UTRN: variants seen among roughly 807,000 people sequenced by gnomAD.
UTRN encodes the protein dystrophin-related protein 1.
UTRN carries 283 observed loss-of-function variants against 463.9 expected under a neutral mutation model. The observed-to-expected ratio is 0.61, with a 90% CI of 0.55 to 0.67. The LOEUF (loss-of-function observed/expected upper bound fraction) is 0.67. Among genes scored for constraint, UTRN ranks in the 30% least tolerant of loss-of-function variants. The probability of loss-of-function intolerance (pLI) is 0.00; values close to 1 mark genes in which losing one functional copy is unlikely to be tolerated. For synonymous variants in UTRN, 1,442 were observed against 1,431.5 expected, an observed-to-expected ratio of 1.01 and a Z score of -0.17; for missense variants, 3,922 against 4,084.3, an observed-to-expected ratio of 0.96 and a Z score of 1.08.
intron 43 of UTRN, among the ~76,000 whole-genome samples, chr6:144,535,202 T>G (rs893918117): frequency 6.6e-6 from 1 of 152,216 alleles, no homozygotes; most frequent in Non-Finnish European, 1.5e-5. Flanking sequence ...TGCCTCAGCC[T>G]CCTCAGTAGC....
chr6:144,837,804 A>G (rs907033895), intron 71 of UTRN, among the ~76,000 whole-genome samples: 4 of 152,134 alleles, frequency 2.6e-5, no homozygotes, highest in Admixed American at 6.5e-5. Flanking sequence ...ACTTTTCTCT[A>G]TGTCTCTCAG....
Position 144,324,275 on chromosome 6 carries a change from GAAGTAA to G in UTRN, c.79+32375_79+32380del, listed in dbSNP as rs374382969. 4.0e-3 allele frequency among the ~76,000 whole-genome samples: 615 copies of G among 152,230 alleles called. 2 individuals carry two copies. The highest frequency in any genetic ancestry group is 0.014 in the African/African-American group (576 of 41,554). On this transcript the variant is annotated intron_variant, in intron 2 of 74. Transcript: ENST00000367545. ...ATGCAATTTAGGATTTTTAGTACAT[GAAGTAA>G]AAGTAAGTCTGCATCGAGGTCCCCA...
At chr6:144,513,809 T>C in intron 35 of UTRN, 100 bp from the exon 36 acceptor site, 9 of 1,329,452 alleles carry the variant, frequency 6.8e-6, no homozygotes, top group Non-Finnish European at 9.1e-6. Flanking sequence ...TTTAAATTCA[T>C]GGTACAGTTT....
At chr6:144,595,474 G>A (rs1803549486) in intron 51 of UTRN, among the ~76,000 whole-genome samples, 1 of 152,180 alleles carries the variant, frequency 6.6e-6, no homozygotes, top group African/African-American at 2.4e-5. Context: ...CTGCAATGCA[G>A]GGTCAGTTCA....
chr6:144,634,617 C>T (rs965307407), intron 51 of UTRN, among the ~76,000 whole-genome samples: 42 of 152,156 alleles, frequency 2.8e-4, no homozygotes, highest in African/African-American at 9.7e-4. Context: ...TTGTGCATTT[C>T]AGTGGTATTT....
intron 51 of UTRN, among the ~76,000 whole-genome samples, chr6:144,588,400 C>G (rs1173450874): frequency 6.6e-6 from 1 of 152,124 alleles, no homozygotes; most frequent in Non-Finnish European, 1.5e-5. Flanking sequence ...ATAATTAGAT[C>G]TGATGCAATG....
intron 33 of UTRN, among the ~76,000 whole-genome samples, chr6:144,496,875 C>T (rs560792159): frequency 1.1e-3 from 167 of 152,058 alleles, no homozygotes; most frequent in Non-Finnish European, 2.1e-3. Context: ...CTGGGTGAAA[C>T]GAGGAGATTT....
intron 51 of UTRN, among the ~76,000 whole-genome samples, chr6:144,613,813 G>T (rs1357536006): frequency 1.3e-5 from 2 of 151,698 alleles, no homozygotes; most frequent in African/African-American, 2.4e-5. Flanking sequence ...ACTGAGGAAG[G>T]AACTTATAAA....
At chr6:144,328,927 T>C (rs942391651) in intron 2 of UTRN, among the ~76,000 whole-genome samples, 1 of 149,248 alleles carries the variant, frequency 6.7e-6, no homozygotes, top group African/African-American at 2.5e-5. Flanking sequence ...GGGATTACAG[T>C]TGCAAGCCAC....
chr6:144,656,569 A>G (rs1162343263), intron 51 of UTRN, among the ~76,000 whole-genome samples: 2 of 152,128 alleles, frequency 1.3e-5, no homozygotes, highest in African/African-American at 2.4e-5. Context: ...GGGCCACTAC[A>G]TCTGGGTAAT....
In UTRN at chr6:144,315,696, CGTGCCGCT is replaced by C. The variant is rs1775238157; in HGVS notation, c.79+23794_79+23801del. On this transcript the variant is annotated intron_variant, in intron 2 of 74. Transcript: ENST00000367545. ...GCAAAGCAAAAGGTGTTCTTTCCTCCGTGCCGCTGTGCTGGCTGGATTTCAGCGTCGTT... is the reference window on the plus strand; with the variant it reads ...GCAAAGCAAAAGGTGTTCTTTCCTCCGTGCTGGCTGGATTTCAGCGTCGTT... Among the ~76,000 whole-genome samples the C allele has an allele frequency of 6.6e-5, 10 of 152,216 alleles. No individual in the cohort carries two copies. In the South Asian group the frequency reaches 2.1e-3, roughly 32 times the overall value.
At chr6:144,541,273 C>T (rs1281500739) in intron 45 of UTRN, among the ~76,000 whole-genome samples, 1 of 152,094 alleles carries the variant, frequency 6.6e-6, no homozygotes, top group Non-Finnish European at 1.5e-5. Context: ...ACTGCTCTCT[C>T]TCCCCTACAC....
intron 53 of UTRN, among the ~76,000 whole-genome samples, chr6:144,726,270 G>T (rs769188647): frequency 1.3e-5 from 2 of 152,128 alleles, no homozygotes; most frequent in African/African-American, 4.8e-5. Flanking sequence ...CCTGACCTCC[G>T]CCCACACCTT....
intron 3 of UTRN, among the ~76,000 whole-genome samples, chr6:144,404,130 T>C (rs1011672089): frequency 6.6e-6 from 1 of 152,204 alleles, no homozygotes; most frequent in Non-Finnish European, 1.5e-5. Context: ...TCCCAATATT[T>C]ATAGTTGGTT....
chr6:144,361,115 C>T (rs895834583), intron 2 of UTRN, among the ~76,000 whole-genome samples: 3 of 152,180 alleles, frequency 2.0e-5, no homozygotes, highest in Non-Finnish European at 2.9e-5. Context: ...TATGCTGCTT[C>T]CCAGGGTGTC....
chr6:144,772,843 G>GT (rs956255305), intron 59 of UTRN, among the ~76,000 whole-genome samples: 60 of 152,188 alleles, frequency 3.9e-4, no homozygotes, highest in African/African-American at 1.4e-3. Context: ...TGGTCCAGCG[G>GT]TTTTTTTAAG....
intron 66 of UTRN, among the ~76,000 whole-genome samples, chr6:144,822,249 T>TAGA (rs1468931971): frequency 6.6e-6 from 1 of 152,116 alleles, no homozygotes; most frequent in African/African-American, 2.4e-5. Flanking sequence ...TAAATTTATG[T>TAGA]ACCAGTTTAT....
chr6:144,832,212 A>G (rs911167566), intron 69 of UTRN, among the ~76,000 whole-genome samples: 1 of 152,224 alleles, frequency 6.6e-6, no homozygotes, highest in Admixed American at 6.5e-5. Flanking sequence ...AAGAACTAGA[A>G]TGTATCTATT....
intron 57 of UTRN, among the ~76,000 whole-genome samples, chr6:144,756,386 C>A (rs1791986579): frequency 6.6e-6 from 1 of 152,124 alleles, no homozygotes; most frequent in African/African-American, 2.4e-5. Context: ...AATTTATACA[C>A]ATTTTTGTAA....
Sources: allele counts gnomAD v4.1 joint callset (sites outside exome capture counted in the v4.1 genomes callset), GRCh38; gene constraint gnomAD v4.1.1; transcripts MANE v1.5; gene names NCBI Gene and HGNC (gene_info 2026-07-23, HGNC 2026-07-21).